EYS: variants seen among roughly 807,000 people sequenced by gnomAD.
The protein encoded by EYS is protein eyes shut homolog.
In EYS, 250 loss-of-function variants were observed where a neutral mutation model predicts 282.1. The observed-to-expected ratio is 0.89, with a 90% CI of 0.80 to 0.98. The LOEUF is 0.98. Ranked by LOEUF, EYS falls within the 50% of genes least tolerant of loss-of-function variation. The pLI is 0.00. For missense variants in EYS, 4,016 were observed against 3,709.0 expected, an observed-to-expected ratio of 1.08 and a Z score of -2.15; for synonymous variants, 1,355 against 1,282.9, an observed-to-expected ratio of 1.06 and a Z score of -1.20.
intron 35 of EYS, among the ~76,000 whole-genome samples, chr6:63,968,789 G>A (rs905924968): frequency 1.3e-5 from 2 of 152,120 alleles, no homozygotes; most frequent in East Asian, 1.9e-4. Context: ...CCACTATTAA[G>A]TCTCCACTCA....
chr6:65,430,803 C>A (rs900968161), intron 5 of EYS, among the ~76,000 whole-genome samples: 1 of 152,132 alleles, frequency 6.6e-6, no homozygotes, highest in African/African-American at 2.4e-5. Context: ...TGCTGACTTG[C>A]AGGAAAGGAT....
intron 33 of EYS, among the ~76,000 whole-genome samples, chr6:64,043,605 T>C (rs1401751427): frequency 1.3e-5 from 2 of 152,222 alleles, no homozygotes; most frequent in Non-Finnish European, 2.9e-5. Flanking sequence ...CATTTTCCTT[T>C]GGATAGTCCT....
intron 2 of EYS, among the ~76,000 whole-genome samples, chr6:65,550,143 C>CTTTTTTTTTTTTTTT (rs1048251073): frequency 1.7e-4 from 1 of 5,958 alleles, no homozygotes; most frequent in Non-Finnish European, 2.5e-4. Context: ...TCTACTATAT[C>CTTTTTTTTTTTTTTT]TTTTTTTTTT....
chr6:64,676,174 G>T lies in EYS; in HGVS notation c.3444-49929C>A, dbSNP rs867714065. ...TCCCTTTTACAAATAGTAACTAAGG[G>T]ATTAAGTAGTTAAGTAACTTTCTAA... On this transcript the variant is annotated intron_variant, in intron 22 of 42. Transcript: ENST00000503581. 1.2e-4 allele frequency among the ~76,000 whole-genome samples: 17 copies of T among 147,324 alleles called. 1 individual carries two copies. The South Asian group carries it at 3.6e-3, about 32-fold the overall frequency.
chr6:64,019,689 A>G (rs1390819215), intron 33 of EYS, among the ~76,000 whole-genome samples: 3 of 152,014 alleles, frequency 2.0e-5, no homozygotes, highest in Non-Finnish European at 4.4e-5. Flanking sequence ...GATTACAGGC[A>G]TGAGCCACCA....
intron 29 of EYS, among the ~76,000 whole-genome samples, chr6:64,346,055 G>C (rs978581194): frequency 9.9e-5 from 15 of 152,022 alleles, no homozygotes; most frequent in Non-Finnish European, 1.5e-5. Flanking sequence ...GGAAACAACA[G>C]GTGCTGGAGA....
At chr6:64,652,334 G>A (rs1373090511) in intron 22 of EYS, among the ~76,000 whole-genome samples, 1 of 152,178 alleles carries the variant, frequency 6.6e-6, no homozygotes, top group Non-Finnish European at 1.5e-5. Flanking sequence ...GGCACAGAAA[G>A]GGCAGAAAGA....
intron 26 of EYS, among the ~76,000 whole-genome samples, chr6:64,509,947 A>G (rs1267395812): frequency 1.3e-5 from 2 of 152,258 alleles, no homozygotes; most frequent in Admixed American, 1.3e-4. Flanking sequence ...ATTTCTTACA[A>G]TAAATATTGG....
At chr6:65,329,562 T>C (rs756097391) in intron 11 of EYS, 243 of 982,972 alleles carry the variant, frequency 2.5e-4, no homozygotes, top group Non-Finnish European at 2.9e-4. Context: ...TCATATGCAG[T>C]TCGATATCTT....
chr6:64,355,656 T>C (rs1220303036), intron 29 of EYS, among the ~76,000 whole-genome samples: 1 of 151,668 alleles, frequency 6.6e-6, no homozygotes, highest in Non-Finnish European at 1.5e-5. Flanking sequence ...TGGGAGATGC[T>C]AACTTATTGT....
intron 26 of EYS, among the ~76,000 whole-genome samples, chr6:64,544,365 T>C (rs1254011783): frequency 2.0e-5 from 3 of 152,024 alleles, no homozygotes; most frequent in Admixed American, 6.6e-5. Flanking sequence ...TTGGTTAAGA[T>C]GGTAAAGAAG....
intron 28 of EYS, among the ~76,000 whole-genome samples, chr6:64,391,025 G>A (rs921782022): frequency 1.8e-4 from 28 of 152,222 alleles, no homozygotes; most frequent in Non-Finnish European, 3.2e-4. Context: ...AAGGGTATCA[G>A]TGATGGAAGA....
At chr6:65,456,532 A>G (rs57971522) in intron 5 of EYS, among the ~76,000 whole-genome samples, 1,674 of 152,152 alleles carry the variant, frequency 0.011, 30 homozygotes, top group African/African-American at 0.038. Context: ...TTGTACAATT[A>G]TTTTATAATT....
chr6:63,833,708 A>G (rs1367354933), intron 36 of EYS, among the ~76,000 whole-genome samples: 1 of 152,198 alleles, frequency 6.6e-6, no homozygotes, highest in Admixed American at 6.5e-5. Context: ...GGAAAAAACT[A>G]CTTTAAAGTT....
intron 19 of EYS, among the ~76,000 whole-genome samples, chr6:64,881,081 G>A (rs1766903472): frequency 6.6e-6 from 1 of 151,478 alleles, no homozygotes; most frequent in South Asian, 2.1e-4. Flanking sequence ...TACATCTATT[G>A]AGACACTTTG....
At chr6:64,249,008 C>G (rs2150347413) in intron 30 of EYS, among the ~76,000 whole-genome samples, 1 of 139,690 alleles carries the variant, frequency 7.2e-6, no homozygotes, top group Non-Finnish European at 1.5e-5. Context: ...TGGTTGCAAC[C>G]AGCAGAGATC....
At chr6:64,330,363 G>C (rs1470241198) in intron 29 of EYS, among the ~76,000 whole-genome samples, 1 of 152,066 alleles carries the variant, frequency 6.6e-6, no homozygotes, top group Admixed American at 6.5e-5. Flanking sequence ...TCTCACATTT[G>C]GATTCCAAAT....
intron 35 of EYS, among the ~76,000 whole-genome samples, chr6:63,888,774 T>C (rs1467894272): frequency 1.3e-5 from 2 of 152,150 alleles, no homozygotes; most frequent in Non-Finnish European, 2.9e-5. Context: ...GGCACAAAAC[T>C]GGATGGAGAA....
chr6:65,202,833 G>A (rs1409336054), intron 12 of EYS, among the ~76,000 whole-genome samples: 2 of 152,162 alleles, frequency 1.3e-5, no homozygotes, highest in African/African-American at 4.8e-5. Flanking sequence ...ATAAGAGGGT[G>A]TATGAGTTGG....
Sources: allele counts gnomAD v4.1 joint callset (sites outside exome capture counted in the v4.1 genomes callset), GRCh38; gene constraint gnomAD v4.1.1; transcripts MANE v1.5; gene names NCBI Gene and HGNC (gene_info 2026-07-23, HGNC 2026-07-21).